The following GPHN variants were observed in gnomAD, a reference collection of about 807,000 sequenced individuals.
GPHN encodes gephyrin.
A neutral mutation model predicts 95.5 loss-of-function variants in GPHN; 17 were observed. The observed-to-expected ratio is 0.18, with a 90% CI of 0.12 to 0.27. The LOEUF is 0.27. Among genes scored for constraint, GPHN ranks in the 10% least tolerant of loss-of-function variants. The pLI is 1.00. For missense variants in GPHN, 660 were observed against 978.1 expected (o/e 0.67, Z 4.34); for synonymous variants, 320 against 322.5 (o/e 0.99, Z 0.08).
intron 2 of GPHN, among the ~76,000 whole-genome samples, chr14:66,719,356 A>T (rs2070506947): frequency 6.6e-6 from 1 of 151,996 alleles, no homozygotes; most frequent in African/African-American, 2.4e-5. Context: ...GTCTAAATTG[A>T]CTCAGCTCCA....
At chr14:67,494,511 A>G in the GPHN span, among the ~76,000 whole-genome samples, 1 of 152,212 alleles carries the variant, frequency 6.6e-6, no homozygotes, top group East Asian at 1.9e-4. Context: ...ATCCAGGCAC[A>G]GGAAGGGCCC....
At chr14:67,294,528 G>T in the GPHN span, 1 of 151,708 alleles carries the variant, frequency 6.6e-6, no homozygotes, top group Non-Finnish European at 1.5e-5. Flanking sequence ...AGTATTCTTT[G>T]TTTACATGGC....
the GPHN span, among the ~76,000 whole-genome samples, chr14:67,188,106 A>G: frequency 1.7e-4 from 26 of 152,314 alleles, no homozygotes; most frequent in Admixed American, 5.9e-4. Flanking sequence ...TCCCAAGCTT[A>G]GGACATGCAG....
At chr14:66,916,391 A>T (rs982220365) in intron 6 of GPHN, among the ~76,000 whole-genome samples, 2 of 151,606 alleles carry the variant, frequency 1.3e-5, no homozygotes, top group African/African-American at 4.9e-5. Context: ...AGAGTCATCA[A>T]TGCTTTACTC....
At chr14:67,594,572 G>GGGAGGC in the GPHN span, among the ~76,000 whole-genome samples, 4 of 151,640 alleles carry the variant, frequency 2.6e-5, no homozygotes, top group Admixed American at 1.3e-4. Context: ...GCTTGAACCT[G>GGGAGGC]GGAGGCGGAG....
chr14:67,328,191 G>C, the GPHN span, among the ~76,000 whole-genome samples: 1 of 152,146 alleles, frequency 6.6e-6, no homozygotes, highest in Non-Finnish European at 1.5e-5. Flanking sequence ...GTGTGAGATG[G>C]TATCTCATTG....
At chr14:67,382,884 G>A in the GPHN span, among the ~76,000 whole-genome samples, 2 of 151,146 alleles carry the variant, frequency 1.3e-5, no homozygotes, top group Non-Finnish European at 2.9e-5. Flanking sequence ...CAACAAGAAA[G>A]AAGTGTGTGT....
At chr14:66,523,175 G>A (rs1470208861) in intron 1 of GPHN, among the ~76,000 whole-genome samples, 1 of 152,030 alleles carries the variant, frequency 6.6e-6, no homozygotes, top group Non-Finnish European at 1.5e-5. Flanking sequence ...CATAACAAGT[G>A]TAAATGAAAA....
chr14:67,699,309 C>T, the GPHN span, among the ~76,000 whole-genome samples: 2 of 151,008 alleles, frequency 1.3e-5, no homozygotes, highest in Admixed American at 6.6e-5. Flanking sequence ...GTAATCCCAA[C>T]ACTGGAAGGC....
At chr14:66,871,045 A>C (rs1480676899) in intron 4 of GPHN, among the ~76,000 whole-genome samples, 1 of 152,198 alleles carries the variant, frequency 6.6e-6, no homozygotes, top group Admixed American at 6.5e-5. Context: ...TAGAAAAATT[A>C]ATGAACCACA....
chr14:66,642,891 G>A (rs1014756372), intron 1 of GPHN, among the ~76,000 whole-genome samples: 10 of 151,980 alleles, frequency 6.6e-5, no homozygotes, highest in African/African-American at 2.4e-4. Context: ...AAAGCTTTTA[G>A]ATGGAAACAT....
downstream of GPHN, among the ~76,000 whole-genome samples, chr14:67,183,906 G>A (rs1248120409): frequency 1.3e-5 from 2 of 151,840 alleles, no homozygotes; most frequent in Non-Finnish European, 2.9e-5. Context: ...AGGCTGGAGT[G>A]CAGTGGCATG....
chr14:67,553,000 G>T, the GPHN span, among the ~76,000 whole-genome samples: 1 of 152,216 alleles, frequency 6.6e-6, no homozygotes, highest in South Asian at 2.1e-4. Flanking sequence ...GCGATTTCTG[G>T]TTCTGACCAA....
the GPHN span, chr14:67,393,177 C>T: frequency 6.2e-7 from 1 of 1,613,802 alleles, no homozygotes; most frequent in Non-Finnish European, 8.5e-7. Context: ...TAGGTGCTTC[C>T]CTGCTCCATG....
rs1463055473 is a variant in GPHN, at chr14:66,664,433, A to T, written c.65-16674A>T. ...ATGGAAATCAAGTTCTTTCAAACTA[A>T]TAAGGACAAAGATACAATGTACCAG... On this transcript the variant is annotated intron_variant, in intron 1 of 22. Coordinates refer to ENST00000478722, the MANE Select transcript of GPHN (RefSeq NM_020806.5). Among the ~76,000 whole-genome samples, 4 of 152,200 alleles carry T rather than the reference A, an allele frequency of 2.6e-5. No individual in the cohort carries two copies. In the South Asian group the frequency reaches 8.3e-4, roughly 32 times the overall value.
chr14:66,534,378 T>C (rs2059056883), intron 1 of GPHN, among the ~76,000 whole-genome samples: 1 of 152,166 alleles, frequency 6.6e-6, no homozygotes, highest in South Asian at 2.1e-4. Context: ...GCACTTCATG[T>C]AAAGGGAATG....
the GPHN span, chr14:67,674,319 T>G: frequency 3.5e-6 from 5 of 1,448,166 alleles, no homozygotes; most frequent in Non-Finnish European, 4.6e-6. Flanking sequence ...GGGAGAATCT[T>G]CCTTCCAAAG....
chr14:67,500,569 T>A, the GPHN span, among the ~76,000 whole-genome samples: 17 of 148,548 alleles, frequency 1.1e-4, no homozygotes, highest in African/African-American at 3.0e-4. Context: ...CCATGTGCAT[T>A]TGGATTTTTT....
the GPHN span, chr14:67,735,330 G>A: frequency 1.3e-6 from 1 of 786,372 alleles, no homozygotes. Flanking sequence ...GACACCAAAA[G>A]GACCATCTAG....
Sources: gnomAD v4.1 joint callset for allele counts (sites outside exome capture counted in the v4.1 genomes callset) on GRCh38, gnomAD v4.1.1 for gene constraint, MANE v1.5 for transcripts, NCBI Gene and HGNC (gene_info 2026-07-23, HGNC 2026-07-21) for gene names.